Variants in PARP15 observed in about 807,000 individuals in gnomAD.
The protein encoded by PARP15 is poly(ADP-ribose) polymerase family member 15.
In PARP15, 50 loss-of-function variants were observed where a neutral mutation model predicts 62.1. The observed-to-expected ratio is 0.81, with a 90% CI of 0.64 to 1.02. The LOEUF (loss-of-function observed/expected upper bound fraction) is 1.02, where lower values mean the gene tolerates loss of function less well. PARP15 is among the 50% of genes least tolerant of loss of function. The pLI, the probability that PARP15 is intolerant of heterozygous loss-of-function variation, is 0.00. For missense variants in PARP15, 820 were observed against 826.5 expected, an observed-to-expected ratio of 0.99 and a Z score of 0.10; for synonymous variants, 309 against 293.1, an observed-to-expected ratio of 1.05 and a Z score of -0.55.
At chr3:122,616,958 T>A in intron 5 of PARP15, 57 bp from the exon 6 acceptor site, 1 of 1,581,046 alleles carries the variant, frequency 6.3e-7, no homozygotes, top group East Asian at 2.2e-5. Context: ...CCAAGATGAG[T>A]GCTGTTCCTC....
intron 8 of PARP15, among the ~76,000 whole-genome samples, chr3:122,623,325 C>T (rs919500945): frequency 1.3e-5 from 2 of 152,158 alleles, no homozygotes; most frequent in African/African-American, 4.8e-5. Context: ...AGCTCTGGCC[C>T]CTTCAGGAAT....
intron 1 of PARP15, among the ~76,000 whole-genome samples, chr3:122,583,114 CTTTTTTTTTTTTT>C (rs67942585): frequency 4.8e-5 from 4 of 83,482 alleles, no homozygotes; most frequent in African/African-American, 1.1e-4. Flanking sequence ...TCATCTGTAT[CTTTTTTTTTTTTT>C]TTTTTTTTTT....
At chr3:122,581,199 GT>G (rs1194398913) in intron 1 of PARP15, among the ~76,000 whole-genome samples, 2 of 152,094 alleles carry the variant, frequency 1.3e-5, no homozygotes, top group Non-Finnish European at 1.5e-5. Flanking sequence ...TCAAGATCCT[GT>G]TTTCAATTCT....
intron 2 of PARP15, among the ~76,000 whole-genome samples, chr3:122,610,293 A>T (rs569633377): frequency 6.6e-6 from 1 of 152,160 alleles, no homozygotes; most frequent in South Asian, 2.1e-4. Flanking sequence ...ATATTTCCTT[A>T]ATGTCTAAGT....
At chr3:122,634,029 G>A (rs891341514) in intron 10 of PARP15, among the ~76,000 whole-genome samples, 2 of 151,936 alleles carry the variant, frequency 1.3e-5, no homozygotes, top group East Asian at 1.9e-4. Context: ...GCAAACCTTC[G>A]TTACTCTCCC....
Position 122,621,601 on chromosome 3 carries a change from C to T in PARP15, c.1221C>T (p.Ala407=). The T allele has an allele frequency of 6.3e-7, 1 of 1,592,610 alleles. No individual in the cohort carries two copies. Among genetic ancestry groups the T allele is most frequent in the Non-Finnish European group, 8.5e-7 (1 of 1,173,026 alleles). ...QRKYTSVSLP[A]IGTGNAGKNP... is the part of the protein sequence containing the mutation. ...AGTACACATCGGTTTCCCTTCCAGC[C>T]ATTGGAACAGGTTTGCAGCTTATCA... is the stretch of plus-strand genomic sequence containing the variant. Residue 407 remains alanine, a synonymous_variant, in exon 8 of 12, where the codon GCC becomes GCT. Transcript: ENST00000464300.
In PARP15 at chr3:122,609,311, T is replaced by G. The variant is rs533434396; in HGVS notation, c.307-1183T>G. Among the ~76,000 whole-genome samples the G allele has an allele frequency of 2.6e-5, 4 of 152,310 alleles. No homozygotes were observed. In the East Asian group the frequency reaches 7.7e-4, roughly 29 times the overall value. ...ATATAAGTGGATCCAAGAATGCCGATTATTAGGTTGAGAAATATAACCTAT... is the reference window on the plus strand; with the variant it reads ...ATATAAGTGGATCCAAGAATGCCGAGTATTAGGTTGAGAAATATAACCTAT... On this transcript the variant is annotated intron_variant, in intron 2 of 11. Transcript: ENST00000464300.
intron 1 of PARP15, among the ~76,000 whole-genome samples, chr3:122,595,200 T>A (rs2107488819): frequency 6.6e-6 from 1 of 152,220 alleles, no homozygotes; most frequent in African/African-American, 2.4e-5. Context: ...AAACAAAAGC[T>A]TCCCTTGACC....
In PARP15 at chr3:122,577,758, T is replaced by G; in HGVS notation, c.91T>G (p.Ser31Ala). Reference sequence around the variant, plus strand: ...TATGCACGGAGTTGCAGGTGTTACTTCCAGAGCCGGACGAGATCGGGAGGC... The same window carrying G: ...TATGCACGGAGTTGCAGGTGTTACTGCCAGAGCCGGACGAGATCGGGAGGC... ...ELMHGVAGVT[S>A]RAGRDREAGS... The change falls in exon 1 of 12, where the codon TCC becomes GCC. Residue 31 changes from serine to alanine, a missense_variant. This residue lies in a region of PARP15 where 731 missense variants were observed against 727.7 expected (regional missense o/e 1.00). Transcript: ENST00000464300. 2 of 1,551,522 alleles carry G rather than the reference T, an allele frequency of 1.3e-6. No homozygotes were observed. The highest frequency in any genetic ancestry group is 2.4e-5 in the South Asian group (2 of 84,046).
In PARP15 at chr3:122,610,559, A is replaced by G. The variant is rs1266931098; in HGVS notation, c.372A>G (p.Ala124=). The G allele has an allele frequency of 1.3e-6, 2 of 1,551,630 alleles. No individual in the cohort carries two copies. The highest frequency in any genetic ancestry group is 2.0e-5 in the Admixed American group (1 of 50,984). Reference sequence around the variant, plus strand: ...TTGGAGGAGGACCACTATCTCGGGCATTTTTGCAGAAAGCTGGTCCCATGC... The same window carrying G: ...TTGGAGGAGGACCACTATCTCGGGCGTTTTTGCAGAAAGCTGGTCCCATGC... The part of the protein sequence containing the change: ...LQLGGGPLSR[A]FLQKAGPMLQ... Residue 124 remains alanine, a synonymous_variant, in exon 3 of 12, where the codon GCA becomes GCG. Coordinates refer to ENST00000464300, the MANE Select transcript of PARP15 (RefSeq NM_001113523.3).
In PARP15 at chr3:122,637,407, T is replaced by C. The variant is rs2107618164; in HGVS notation, c.*1307T>C. The C allele has an allele frequency of 6.6e-6, 1 of 152,314 alleles. No individual in the cohort carries two copies. Among genetic ancestry groups the C allele is most frequent in the African/African-American group, 2.4e-5 (1 of 41,564 alleles). 9.4% of individuals were successfully genotyped at this position (152,314 alleles called of 1,614,324 possible). ...TGTGTCTATTACCTGCTGATCACTG[T>C]CCAGACTTCTGGAGGACACAGAGCA... On this transcript the variant is annotated 3_prime_UTR_variant, in exon 12 of 12. Transcript: ENST00000464300.
Position 122,635,674 on chromosome 3 carries a change from A to G in PARP15, c.1748-137A>G, listed in dbSNP as rs962543488. The G allele has an allele frequency of 2.1e-5, 20 of 967,624 alleles. No homozygotes were observed. In the Admixed American group the frequency reaches 3.6e-4, roughly 17 times the overall value. 59.9% of individuals were successfully genotyped at this position (967,624 alleles called of 1,614,324 possible). On this transcript the variant is annotated intron_variant, in intron 11 of 11. Transcript: ENST00000464300. The stretch of plus-strand genomic sequence containing the variant: ...GCAATCCTCTTGCCTCAGCCTCCCA[A>G]AGTGTTGGGATTACAGGCATGAGCC...
chr3:122,598,714 G>A (rs752847394), intron 1 of PARP15, among the ~76,000 whole-genome samples: 1 of 152,072 alleles, frequency 6.6e-6, no homozygotes, highest in Non-Finnish European at 1.5e-5. Flanking sequence ...ACTACGCAAA[G>A]GCTCAATGAC....
chr3:122,580,176 G>A (rs1455159575), intron 1 of PARP15, among the ~76,000 whole-genome samples: 1 of 150,462 alleles, frequency 6.6e-6, no homozygotes, highest in African/African-American at 2.4e-5. Flanking sequence ...ATTAGGTGGA[G>A]TTGGTTGTTG....
At chr3:122,619,655 CG>C in intron 6 of PARP15, 125 bp from the exon 7 acceptor site, 1 of 761,458 alleles carries the variant, frequency 1.3e-6, no homozygotes, top group South Asian at 1.5e-5. Flanking sequence ...AGCAGTTGGT[CG>C]GGCGTGGGGG....
rs1310926773 is a variant in PARP15, at chr3:122,615,154, A to G, written c.772-625A>G. 9.5e-6 allele frequency: 11 copies of G among 1,154,848 alleles called. No homozygotes were observed. In the East Asian group the frequency reaches 4.4e-4, roughly 46 times the overall value. 71.5% of individuals were successfully genotyped at this position (1,154,848 alleles called of 1,614,324 possible). On this transcript the variant is annotated intron_variant, in intron 4 of 11. Coordinates refer to ENST00000464300, the MANE Select transcript of PARP15 (RefSeq NM_001113523.3). The stretch of plus-strand genomic sequence containing the variant: ...ATGAAGACAACCCAAGTGAAACTTT[A>G]TAACTCTACTCTGTCGCCCATTGCT...
At position 122,638,670 on chromosome 3, in the gene PARP15, G is replaced by A. The variant is rs890021888; in HGVS notation, c.*2570G>A. The A allele has an allele frequency of 2.0e-5, 3 of 152,018 alleles. No homozygotes were observed. Among genetic ancestry groups the A allele is most frequent in the Non-Finnish European group, 4.4e-5 (3 of 68,014 alleles). The allele number at this position is 152,018 out of a possible 1,614,324, so 9.4% of individuals were successfully genotyped here. ...TTCTTTGTTTTTTTCTTGTATATTT[G>A]TTTGAGTTCATTGTAGATTCTGGAT... is the stretch of plus-strand genomic sequence containing the variant. On this transcript the variant is annotated 3_prime_UTR_variant, in exon 12 of 12. Transcript: ENST00000464300.
At chr3:122,634,897 T>C in intron 10 of PARP15, 123 bp from the exon 11 acceptor site, 2 of 998,252 alleles carry the variant, frequency 2.0e-6, no homozygotes, top group Non-Finnish European at 3.0e-6. Context: ...TCTTCTCCTT[T>C]TCCTTCACCA....
At chr3:122,611,928 G>A (rs193201681) in intron 3 of PARP15, among the ~76,000 whole-genome samples, 59 of 152,064 alleles carry the variant, frequency 3.9e-4, no homozygotes, top group Admixed American at 3.2e-3. Flanking sequence ...TGGTCAGGCT[G>A]GTCTTGAACT....
Sources: allele counts gnomAD v4.1 joint callset (sites outside exome capture counted in the v4.1 genomes callset), GRCh38; gene constraint gnomAD v4.1.1; regional missense constraint gnomAD v4.1.1; transcripts MANE v1.5; gene names NCBI Gene and HGNC (gene_info 2026-07-23, HGNC 2026-07-21).